Variants in OPRM1 observed in about 807,000 individuals in gnomAD.
The protein encoded by OPRM1 is mu-type opioid receptor.
Under a neutral mutation model 31.8 loss-of-function variants are expected in OPRM1, and 27 were observed. The observed-to-expected ratio is 0.85, with a 90% confidence interval of 0.63 to 1.17. The LOEUF (loss-of-function observed/expected upper bound fraction) is 1.17. OPRM1 is among the 50% of genes most tolerant of loss of function. The pLI, the probability that OPRM1 is intolerant of heterozygous loss-of-function variation, is 0.00. For missense variants in OPRM1, 536 were observed against 511.1 expected, an observed-to-expected ratio of 1.05 and a Z score of -0.47; for synonymous variants, 196 against 189.9, an observed-to-expected ratio of 1.03 and a Z score of -0.26.
At chr6:154,223,263 C>T in intron 3 of OPRM1, 2 of 1,588,428 alleles carry the variant, frequency 1.3e-6, no homozygotes, top group Non-Finnish European at 1.7e-6. Flanking sequence ...ATATATACCA[C>T]AAATAGGAAT....
At position 154,093,627 on chromosome 6, in the gene OPRM1, C is replaced by T. The variant is rs555715550; in HGVS notation, c.1164+2155C>T. 112 of 1,135,230 alleles carry T rather than the reference C, an allele frequency of 9.9e-5. 1 individual carries two copies. Among genetic ancestry groups the T allele is most frequent in the Non-Finnish European group, 1.2e-4 (98 of 831,132 alleles). The allele number at this position is 1,135,230 out of a possible 1,614,324, so 70.3% of individuals were successfully genotyped here. A position where few individuals can be genotyped will look rare whatever the true frequency, so the allele number is the denominator to read the frequency against. On this transcript the variant is annotated intron_variant, in intron 3 of 3. Coordinates refer to ENST00000330432, the MANE Select transcript of OPRM1 (RefSeq NM_000914.5). Reference sequence around the variant, plus strand: ...ACATCCAATTAGGCCTTATCTTCATCGCTGCCTCTATGAAGCAGTATCAGT... The same window carrying T: ...ACATCCAATTAGGCCTTATCTTCATTGCTGCCTCTATGAAGCAGTATCAGT...
intron 1 of OPRM1, among the ~76,000 whole-genome samples, chr6:154,044,655 C>T (rs1055948530): frequency 4.0e-5 from 6 of 151,570 alleles, no homozygotes; most frequent in Non-Finnish European, 8.8e-5. Flanking sequence ...AAAAATAAAT[C>T]GGTTAATAAA....
At chr6:154,114,412 A>G (rs920586956) in intron 3 of OPRM1, among the ~76,000 whole-genome samples, 1 of 152,106 alleles carries the variant, frequency 6.6e-6, no homozygotes, top group Non-Finnish European at 1.5e-5. Flanking sequence ...TCATCAATAC[A>G]GTAAGCCCAA....
chr6:154,093,128 C>T, intron 3 of OPRM1: 1 of 666,052 alleles, frequency 1.5e-6, no homozygotes, highest in Non-Finnish European at 2.5e-6. Context: ...TAGATTTTCA[C>T]CAACCTGGGG....
chr6:154,179,948 T>C (rs1381096477), intron 3 of OPRM1, among the ~76,000 whole-genome samples: 1 of 152,170 alleles, frequency 6.6e-6, no homozygotes, highest in Non-Finnish European at 1.5e-5. Context: ...TCCTAAGTGA[T>C]GCTGGAATTG....
chr6:154,235,322 G>A (rs1562558101), intron 3 of OPRM1, among the ~76,000 whole-genome samples: 1 of 152,182 alleles, frequency 6.6e-6, no homozygotes, highest in Non-Finnish European at 1.5e-5. Flanking sequence ...CCTGAGGTCA[G>A]GAGTTTGAGA....
chr6:154,208,955 A>G (rs552535988), intron 3 of OPRM1, among the ~76,000 whole-genome samples: 3 of 152,344 alleles, frequency 2.0e-5, no homozygotes, highest in Admixed American at 2.0e-4. Flanking sequence ...TCTTTCCACT[A>G]TCAACCCTCT....
intron 3 of OPRM1, chr6:154,199,585 T>C: frequency 1.4e-6 from 2 of 1,395,606 alleles, no homozygotes; most frequent in Non-Finnish European, 1.9e-6. Flanking sequence ...AGTTTAACCA[T>C]TCTTGTTACA....
At chr6:154,093,519 G>T (rs1792793212) in intron 3 of OPRM1, 6 of 1,588,584 alleles carry the variant, frequency 3.8e-6, no homozygotes, top group Non-Finnish European at 5.1e-6. Flanking sequence ...CATCAGTATG[G>T]CTATTGTACA....
At chr6:154,100,300 A>ATATTATTACATATATCATAATATATATT (rs1562473045) in intron 3 of OPRM1, among the ~76,000 whole-genome samples, 1 of 146,512 alleles carries the variant, frequency 6.8e-6, no homozygotes, top group Admixed American at 6.9e-5. Flanking sequence ...AATATATATC[A>ATATTATTACATATATCATAATATATATT]AAAAGTCACA....
rs141670900 is a variant in OPRM1 at position 154,018,053 on chromosome 6, T to C, written c.-1+7035T>C. Among the ~76,000 whole-genome samples, 559 of 152,256 alleles carry C rather than the reference T, an allele frequency of 3.7e-3. 5 individuals carry two copies. The highest frequency in any genetic ancestry group is 0.013 in the African/African-American group (528 of 41,548). On this transcript the variant is annotated intron_variant, in intron 1 of 5. Transcript: ENST00000434900. ...ACCACAGACAAAAGATTCACTGAAA[T>C]CTTCTGATTTTTGTTTAACATGCAG...
intron 3 of OPRM1, among the ~76,000 whole-genome samples, chr6:154,161,760 G>A (rs920714865): frequency 1.3e-5 from 2 of 152,072 alleles, no homozygotes; most frequent in East Asian, 1.9e-4. Context: ...TGCACCTAAC[G>A]CAATGCCAAG....
At chr6:154,200,178 GAT>G (rs772820697) in intron 3 of OPRM1, 11 of 754,408 alleles carry the variant, frequency 1.5e-5, no homozygotes, top group Non-Finnish European at 2.3e-5. Context: ...AAAAGGTAAA[GAT>G]ATGATATTTA....
chr6:154,163,948 A>T (rs568056277), intron 3 of OPRM1, among the ~76,000 whole-genome samples: 1 of 152,242 alleles, frequency 6.6e-6, no homozygotes, highest in African/African-American at 2.4e-5. Flanking sequence ...GGGATTGTTT[A>T]TAGAAAGTTA....
At chr6:154,166,287 CCA>C (rs1208323023) in intron 3 of OPRM1, among the ~76,000 whole-genome samples, 1 of 152,176 alleles carries the variant, frequency 6.6e-6, no homozygotes, top group African/African-American at 2.4e-5. Flanking sequence ...AGTTGGCCCC[CCA>C]GTGGCCAGGT....
At chr6:154,100,158 C>CATATCATAATATTTATTATATT (rs753395267) in intron 3 of OPRM1, among the ~76,000 whole-genome samples, 9 of 19,202 alleles carry the variant, frequency 4.7e-4, no homozygotes, top group African/African-American at 1.1e-3. Context: ...CATATTATGA[C>CATATCATAATATTTATTATATT]GTATCATAAT....
rs1797708229 is a variant in OPRM1, at chr6:154,128,408, G to C, written c.*9687G>C. Among the ~76,000 whole-genome samples, 1 of 152,132 alleles carries C rather than the reference G, an allele frequency of 6.6e-6. No individual in the cohort carries two copies. Among genetic ancestry groups the C allele is most frequent in the African/African-American group, 2.4e-5 (1 of 41,414 alleles). On this transcript the variant is annotated 3_prime_UTR_variant, in exon 4 of 4. Transcript: ENST00000330432. ...TTATTTAGTACAATTCCTAATAACA[G>C]CTGAAGGACCATTTATTTGAAGCAA...
chr6:154,090,468 G>A (rs1325483416), intron 2 of OPRM1, among the ~76,000 whole-genome samples: 4 of 152,086 alleles, frequency 2.6e-5, no homozygotes, highest in African/African-American at 4.8e-5. Context: ...AAGAGTAATT[G>A]GAGCTTAAAC....
At chr6:154,212,760 C>G in intron 3 of OPRM1, 3 of 1,576,800 alleles carry the variant, frequency 1.9e-6, no homozygotes, top group Non-Finnish European at 1.7e-6. Context: ...CTACTTATGT[C>G]GGTACATACC....
Sources: allele counts gnomAD v4.1 joint callset (sites outside exome capture counted in the v4.1 genomes callset), GRCh38; gene constraint gnomAD v4.1.1; transcripts MANE v1.5; gene names NCBI Gene and HGNC (gene_info 2026-07-23, HGNC 2026-07-21).